BRI3BP: variants seen among roughly 807,000 people sequenced by gnomAD.
The protein encoded by BRI3BP is BRI3 binding protein.
BRI3BP carries 7 observed loss-of-function variants against 15.8 expected under a neutral mutation model. The observed-to-expected ratio is 0.44, with a 90% confidence interval of 0.25 to 0.83. The LOEUF (loss-of-function observed/expected upper bound fraction) is 0.83, where lower values mean the gene tolerates loss of function less well. Among genes scored for constraint, BRI3BP ranks in the 40% least tolerant of loss-of-function variants. The pLI is 0.20. For synonymous variants in BRI3BP, 192 were observed against 163.5 expected, an observed-to-expected ratio of 1.17 and a Z score of -1.33; for missense variants, 320 against 339.3, an observed-to-expected ratio of 0.94 and a Z score of 0.45.
chr12:124,997,205 TTTACTTCTC>T lies in BRI3BP; in HGVS notation c.213+3205_213+3213del, dbSNP rs1565900867. Among the ~76,000 whole-genome samples, 8 of 119,652 alleles carry T rather than the reference TTTACTTCTC, an allele frequency of 6.7e-5. No individual in the cohort carries two copies. In the South Asian group the frequency reaches 2.1e-3, roughly 31 times the overall value. 78.5% of individuals were successfully genotyped at this position (119,652 alleles called of 152,430 possible). A position where few individuals can be genotyped will look rare whatever the true frequency, so the allele number is the denominator to read the frequency against. ...TGCTTTACTTCTCTTTTTTTTTTGCTTTACTTCTCTTTTTTTTTTTTTTTTTTTGAGATG... is the reference window on the plus strand; with the variant it reads ...TGCTTTACTTCTCTTTTTTTTTTGCTTTTTTTTTTTTTTTTTTTTGAGATG... On this transcript the variant is annotated intron_variant, in intron 1 of 2. Transcript: ENST00000341446.
the BRI3BP span, among the ~76,000 whole-genome samples, chr12:125,038,948 G>A: frequency 6.6e-6 from 1 of 151,784 alleles, no homozygotes; most frequent in Non-Finnish European, 1.5e-5. Context: ...AAATTAGCCG[G>A]GCATGGTGGC....
intron 1 of BRI3BP, among the ~76,000 whole-genome samples, chr12:125,008,726 C>T (rs184849156): frequency 6.6e-5 from 10 of 152,038 alleles, no homozygotes; most frequent in South Asian, 2.1e-4. Context: ...ATGATTCAGG[C>T]GCATTACGTT....
chr12:125,002,549 G>A (rs11057974), intron 1 of BRI3BP, among the ~76,000 whole-genome samples: 52,061 of 150,418 alleles, frequency 0.35, 9,234 homozygotes, highest in East Asian at 0.39. Context: ...CTCCGCCTCC[G>A]GGGTTCACGC....
At chr12:124,999,003 G>C (rs559278571) in intron 1 of BRI3BP, among the ~76,000 whole-genome samples, 1 of 152,118 alleles carries the variant, frequency 6.6e-6, no homozygotes, top group South Asian at 2.1e-4. Context: ...GCTTGATCCT[G>C]GGAGGTTGAG....
rs920883820 is a variant in BRI3BP at position 125,026,482 on chromosome 12, G to A, written c.*1052G>A. The stretch of plus-strand genomic sequence containing the variant: ...GAATTCTTTTTCCTGAAATATTTAC[G>A]ATACACAGGTGCTTTTTATCTGAAA... On this transcript the variant is annotated 3_prime_UTR_variant, in exon 3 of 3. Coordinates refer to ENST00000341446, the MANE Select transcript of BRI3BP (RefSeq NM_080626.6). 1.3e-5 allele frequency: 2 copies of A among 151,990 alleles called. No individual in the cohort carries two copies. Among genetic ancestry groups the A allele is most frequent in the Admixed American group, 6.6e-5 (1 of 15,238 alleles). The allele number at this position is 151,990 out of a possible 1,614,324, so 9.4% of individuals were successfully genotyped here.
downstream of BRI3BP, among the ~76,000 whole-genome samples, chr12:125,034,746 C>T (rs778292730): frequency 7.9e-5 from 12 of 152,188 alleles, no homozygotes; most frequent in Admixed American, 1.3e-4. Flanking sequence ...CCTGCCACCA[C>T]GCCCAGCTAA....
At chr12:125,050,307 G>C in the BRI3BP span, among the ~76,000 whole-genome samples, 1 of 150,954 alleles carries the variant, frequency 6.6e-6, no homozygotes, top group Non-Finnish European at 1.5e-5. Flanking sequence ...CCGAGATCAC[G>C]CCACTGCCCT....
At chr12:125,048,856 C>G in the BRI3BP span, among the ~76,000 whole-genome samples, 6 of 152,098 alleles carry the variant, frequency 3.9e-5, no homozygotes, top group Non-Finnish European at 7.4e-5. Flanking sequence ...GCCTGGGGTT[C>G]CCTGCCTCTG....
At chr12:125,001,988 C>T (rs1420235102) in intron 1 of BRI3BP, among the ~76,000 whole-genome samples, 1 of 152,174 alleles carries the variant, frequency 6.6e-6, no homozygotes, top group African/African-American at 2.4e-5. Flanking sequence ...GAGTGGAGTC[C>T]TGTACAGTCT....
intron 2 of BRI3BP, among the ~76,000 whole-genome samples, chr12:125,017,311 C>T (rs1022850955): frequency 1.6e-5 from 2 of 125,986 alleles, no homozygotes; most frequent in African/African-American, 2.9e-5. Context: ...CGTGAGCCAC[C>T]GTGCCCCCCT....
intron 1 of BRI3BP, among the ~76,000 whole-genome samples, chr12:125,008,305 T>TTC (rs1955165614): frequency 2.1e-5 from 3 of 144,186 alleles, no homozygotes; most frequent in South Asian, 2.3e-4. Flanking sequence ...CTTTCTTTTT[T>TTC]TTTTTTTTTT....
chr12:125,017,732 C>T (rs866422361), intron 2 of BRI3BP, among the ~76,000 whole-genome samples: 2 of 152,146 alleles, frequency 1.3e-5, no homozygotes, highest in African/African-American at 4.8e-5. Flanking sequence ...ATTTAAGGCT[C>T]ATGTCTTCAT....
In BRI3BP at chr12:125,021,669, A is replaced by G. The variant is rs147664504; in HGVS notation, c.317-3322A>G. Among the ~76,000 whole-genome samples, 872 of 152,324 alleles carry G rather than the reference A, an allele frequency of 5.7e-3. 14 individuals carry two copies. The highest frequency in any genetic ancestry group is 0.02 in the African/African-American group (841 of 41,566). ...GAAACTTGTAATCATGGCGGAAGGC[A>G]AAGGGGAAGCAAGGCACGTCTTACG... On this transcript the variant is annotated intron_variant, in intron 2 of 2. Coordinates refer to ENST00000341446, the MANE Select transcript of BRI3BP (RefSeq NM_080626.6).
rs899830005 is a variant in BRI3BP at position 124,996,290 on chromosome 12, T to G, written c.213+2287T>G. The stretch of plus-strand genomic sequence containing the variant: ...ATATTGTTTTGTTAATTTTATGGGT[T>G]TTTTTTTAAATTTAATTAATTAATT... On this transcript the variant is annotated intron_variant, in intron 1 of 2. Coordinates refer to ENST00000341446, the MANE Select transcript of BRI3BP (RefSeq NM_080626.6). Among the ~76,000 whole-genome samples, 14 of 151,888 alleles carry G rather than the reference T, an allele frequency of 9.2e-5. 1 individual carries two copies. The highest frequency in any genetic ancestry group is 4.2e-4 in the South Asian group (2 of 4,808).
chr12:125,021,721 C>T (rs527651070), intron 2 of BRI3BP, among the ~76,000 whole-genome samples: 9 of 152,212 alleles, frequency 5.9e-5, no homozygotes, highest in South Asian at 2.1e-4. Flanking sequence ...GAAGCAAGAG[C>T]GAGGGGTAAA....
intron 2 of BRI3BP, among the ~76,000 whole-genome samples, chr12:125,013,471 C>T (rs1483718603): frequency 6.6e-6 from 1 of 152,208 alleles, no homozygotes; most frequent in Admixed American, 6.5e-5. Context: ...GTGCAGGGAC[C>T]CTTGCCATTT....
Position 125,025,488 on chromosome 12 carries a change from C to G in BRI3BP, c.*58C>G. The G allele has an allele frequency of 6.3e-6, 9 of 1,431,422 alleles. No homozygotes were observed. The highest frequency in any genetic ancestry group is 8.4e-6 in the Non-Finnish European group (9 of 1,077,616). 88.7% of individuals were successfully genotyped at this position (1,431,422 alleles called of 1,614,324 possible). Reference sequence around the variant, plus strand: ...AGCACGCTGTCTCAGAAAACGAAAACGGAGGAAAAAAACCCCAAACCCCAA... The same window carrying G: ...AGCACGCTGTCTCAGAAAACGAAAAGGGAGGAAAAAAACCCCAAACCCCAA... On this transcript the variant is annotated 3_prime_UTR_variant, in exon 3 of 3. Transcript: ENST00000341446.
Position 124,993,848 on chromosome 12 carries a change from C to CTGT in BRI3BP, c.60_61insTTG (p.Leu25dup). 6.7e-6 allele frequency: 8 copies of CTGT among 1,201,920 alleles called. No homozygotes were observed. Among genetic ancestry groups the CTGT allele is most frequent in the Non-Finnish European group, 8.3e-6 (8 of 965,200 alleles). 74.5% of individuals were successfully genotyped at this position (1,201,920 alleles called of 1,614,324 possible). The stretch of plus-strand genomic sequence containing the variant: ...CCGGGCCGGGCTCCTGCTGCTGCTG[C>CTGT]TGCTGCTGCTGCTGCTCGGGCTGCT... On this transcript the variant is annotated inframe_insertion, in exon 1 of 3. Coordinates refer to ENST00000341446, the MANE Select transcript of BRI3BP (RefSeq NM_080626.6).
chr12:125,012,442 T>C, intron 1 of BRI3BP, 92 bp from the exon 2 acceptor site: 1 of 1,039,820 alleles, frequency 9.6e-7, no homozygotes, highest in South Asian at 1.3e-5. Context: ...ATTTTTCCCT[T>C]CCCAGGTATA....
Sources: gnomAD v4.1 joint callset for allele counts (sites outside exome capture counted in the v4.1 genomes callset) on GRCh38, gnomAD v4.1.1 for gene constraint, MANE v1.5 for transcripts, NCBI Gene and HGNC (gene_info 2026-07-23, HGNC 2026-07-21) for gene names.